Variants in USH2A observed in about 807,000 individuals in gnomAD.
The protein encoded by USH2A is usherin, also known as Usher syndrome 2A (autosomal recessive, mild).
A neutral mutation model predicts 538.9 loss-of-function variants in USH2A; 443 were observed. The observed-to-expected ratio is 0.82, with a 90% CI of 0.76 to 0.89. The LOEUF is 0.89. Among genes scored for constraint, USH2A ranks in the 40% least tolerant of loss-of-function variants. The pLI, the probability that USH2A is intolerant of heterozygous loss-of-function variation, is 0.00. For missense variants in USH2A, 6,633 were observed against 6,324.8 expected (o/e 1.05, Z -1.65); for synonymous variants, 2,413 against 2,273.5 (o/e 1.06, Z -1.75).
chr1:215,741,664 A>G (rs936986466), intron 59 of USH2A, 127 bp from the exon 60 acceptor site: 1 of 1,038,884 alleles, frequency 9.6e-7, no homozygotes, highest in Non-Finnish European at 1.4e-6. Context: ...ATACTTGTAC[A>G]TGTGTTTTAA....
At chr1:215,663,218 T>C (rs1478220828) in intron 64 of USH2A, among the ~76,000 whole-genome samples, 2 of 152,180 alleles carry the variant, frequency 1.3e-5, no homozygotes, top group Non-Finnish European at 2.9e-5. Context: ...TTTTACAGTC[T>C]TGAATGAAAG....
At chr1:216,127,017 C>T (rs191179263) in intron 21 of USH2A, among the ~76,000 whole-genome samples, 8 of 152,256 alleles carry the variant, frequency 5.3e-5, no homozygotes, top group East Asian at 1.9e-4. Context: ...AAGAAGTAAG[C>T]GCAAAGCTTT....
At chr1:215,905,928 T>G (rs1438695744) in intron 38 of USH2A, among the ~76,000 whole-genome samples, 2 of 152,222 alleles carry the variant, frequency 1.3e-5, no homozygotes, top group African/African-American at 2.4e-5. Flanking sequence ...TGGCACATAT[T>G]CAAAATCCTT....
At position 216,099,120 on chromosome 1, in the gene USH2A, A is replaced by G. The variant is rs527969364; in HGVS notation, c.4628-1907T>C. Reference sequence around the variant, plus strand: ...AGCTTTAGACTTTCCAAGAAGGCAAATCAAATTTATCCTGGCCTTCTTGAC... The same window carrying G: ...AGCTTTAGACTTTCCAAGAAGGCAAGTCAAATTTATCCTGGCCTTCTTGAC... On this transcript the variant is annotated intron_variant, in intron 21 of 71. Coordinates refer to ENST00000307340, the MANE Select transcript of USH2A (RefSeq NM_206933.4). 3.3e-5 allele frequency among the ~76,000 whole-genome samples: 5 copies of G among 152,318 alleles called. No homozygotes were observed. In the East Asian group the frequency reaches 9.6e-4, roughly 29 times the overall value.
At chr1:215,783,014 A>T (rs1571682651) in intron 52 of USH2A, 79 bp from the exon 53 acceptor site, 2 of 1,356,144 alleles carry the variant, frequency 1.5e-6, no homozygotes, top group Admixed American at 2.4e-5. Flanking sequence ...AATATCAAAA[A>T]CTTTAGACAT....
At chr1:215,839,344 T>C (rs1413856955) in intron 46 of USH2A, among the ~76,000 whole-genome samples, 2 of 152,226 alleles carry the variant, frequency 1.3e-5, no homozygotes, top group Admixed American at 1.3e-4. Context: ...ATCTAATATG[T>C]GCCAAATATT....
intron 61 of USH2A, among the ~76,000 whole-genome samples, chr1:215,694,603 T>A (rs561093968): frequency 2.6e-5 from 4 of 152,252 alleles, no homozygotes; most frequent in African/African-American, 9.6e-5. Context: ...CCACAAGGCA[T>A]TCAAAATTTC....
At chr1:215,935,114 T>C (rs1666461030) in intron 37 of USH2A, among the ~76,000 whole-genome samples, 1 of 152,048 alleles carries the variant, frequency 6.6e-6, no homozygotes, top group African/African-American at 2.4e-5. Flanking sequence ...TGCACAAATG[T>C]AGAAATTGAT....
chr1:215,703,015 G>C (rs1027099676), intron 61 of USH2A, among the ~76,000 whole-genome samples: 1 of 152,094 alleles, frequency 6.6e-6, no homozygotes, highest in Non-Finnish European at 1.5e-5. Flanking sequence ...CCTTTGTGTT[G>C]ATGTTGATGC....
chr1:215,635,742 G>A (rs1656460773), intron 69 of USH2A, among the ~76,000 whole-genome samples: 1 of 151,888 alleles, frequency 6.6e-6, no homozygotes, highest in Admixed American at 6.6e-5. Context: ...TTTTAGTAGA[G>A]ATGGGGTTTC....
At chr1:216,318,229 T>C (rs2037544228) in intron 9 of USH2A, among the ~76,000 whole-genome samples, 1 of 152,220 alleles carries the variant, frequency 6.6e-6, no homozygotes, top group Non-Finnish European at 1.5e-5. Flanking sequence ...ATATTATTAA[T>C]GGATAGCATA....
At chr1:216,404,618 CTTTTT>C (rs375562284) in intron 3 of USH2A, among the ~76,000 whole-genome samples, 2 of 110,048 alleles carry the variant, frequency 1.8e-5, no homozygotes, top group East Asian at 3.0e-4. Flanking sequence ...GAAACATAGG[CTTTTT>C]TTTTTTTTTT....
chr1:216,113,211 T>C (rs2032919737), intron 21 of USH2A, among the ~76,000 whole-genome samples: 1 of 151,106 alleles, frequency 6.6e-6, no homozygotes, highest in Non-Finnish European at 1.5e-5. Context: ...ATACATGCTA[T>C]AGTGCTGATT....
chr1:216,135,339 C>T (rs532131851), intron 21 of USH2A, among the ~76,000 whole-genome samples: 80 of 152,020 alleles, frequency 5.3e-4, no homozygotes, highest in African/African-American at 1.8e-3. Context: ...CAGCTTAGCA[C>T]GCTGTCCAGA....
intron 66 of USH2A, 146 bp downstream of exon 66, chr1:215,648,382 T>C (rs1255832897): frequency 1.2e-6 from 1 of 816,150 alleles, no homozygotes; most frequent in East Asian, 2.4e-5. Flanking sequence ...TTGCTATAGA[T>C]ATCTGTTCAA....
At chr1:215,856,832 G>GGTGT (rs71159889) in intron 44 of USH2A, among the ~76,000 whole-genome samples, 5,606 of 141,884 alleles carry the variant, frequency 0.04, 143 homozygotes, top group South Asian at 0.071. Flanking sequence ...AAAAAAATTT[G>GGTGT]GTGTGTGTGT....
intron 41 of USH2A, among the ~76,000 whole-genome samples, chr1:215,879,914 CCT>C (rs1372575654): frequency 1.3e-5 from 2 of 152,034 alleles, no homozygotes; most frequent in Non-Finnish European, 2.9e-5. Context: ...TACATGTTAT[CCT>C]CTTTCATCTC....
intron 61 of USH2A, among the ~76,000 whole-genome samples, chr1:215,688,265 C>G (rs776496228): frequency 6.6e-6 from 1 of 151,964 alleles, no homozygotes; most frequent in Non-Finnish European, 1.5e-5. Flanking sequence ...GGAGCTAGTG[C>G]GACCAAGCTG....
intron 54 of USH2A, among the ~76,000 whole-genome samples, 159 bp from the exon 55 acceptor site, chr1:215,780,200 C>T (rs1281074848): frequency 6.6e-6 from 1 of 151,984 alleles, no homozygotes; most frequent in Non-Finnish European, 1.5e-5. Flanking sequence ...TTTTCCCTCC[C>T]AACCTATTTA....
Sources: allele counts gnomAD v4.1 joint callset (sites outside exome capture counted in the v4.1 genomes callset), GRCh38; gene constraint gnomAD v4.1.1; transcripts MANE v1.5; gene names NCBI Gene and HGNC (gene_info 2026-07-23, HGNC 2026-07-21).